Variants in ERBB4 observed in about 807,000 individuals in gnomAD.
ERBB4 encodes the protein receptor tyrosine-protein kinase erbB-4.
In ERBB4, 42 loss-of-function variants were observed where a neutral mutation model predicts 158.0. The observed-to-expected ratio is 0.27, with a 90% CI of 0.21 to 0.34. The LOEUF is 0.34. Ranked by LOEUF, ERBB4 falls within the 10% of genes least tolerant of loss-of-function variation. ERBB4 has a pLI of 1.00. For missense variants in ERBB4, 1,333 were observed against 1,624.1 expected, an observed-to-expected ratio of 0.82 and a Z score of 3.08; for synonymous variants, 583 against 558.7, an observed-to-expected ratio of 1.04 and a Z score of -0.61.
At chr2:211,739,092 T>C (rs2074704527) in intron 5 of ERBB4, among the ~76,000 whole-genome samples, 1 of 152,228 alleles carries the variant, frequency 6.6e-6, no homozygotes, top group Admixed American at 6.5e-5. Flanking sequence ...TTCATCAATC[T>C]GTATAGGTCT....
intron 1 of ERBB4, among the ~76,000 whole-genome samples, chr2:212,450,979 A>T (rs1180504509): frequency 6.6e-6 from 1 of 152,078 alleles, no homozygotes; most frequent in African/African-American, 2.4e-5. Flanking sequence ...ATAAAATAAA[A>T]AATTAGCCAG....
At chr2:211,870,681 T>A (rs530450820) in intron 3 of ERBB4, among the ~76,000 whole-genome samples, 3 of 152,088 alleles carry the variant, frequency 2.0e-5, no homozygotes, top group Admixed American at 2.0e-4. Flanking sequence ...AAAATACAGT[T>A]TTCCAGGTAA....
At chr2:212,443,440 T>C (rs972578361) in intron 1 of ERBB4, among the ~76,000 whole-genome samples, 1 of 152,174 alleles carries the variant, frequency 6.6e-6, no homozygotes, top group Non-Finnish European at 1.5e-5. Flanking sequence ...GGGAGTCCTG[T>C]TGAGACATTC....
At chr2:211,694,011 A>C (rs2072918315) in intron 12 of ERBB4, among the ~76,000 whole-genome samples, 1 of 152,114 alleles carries the variant, frequency 6.6e-6, no homozygotes, top group Non-Finnish European at 1.5e-5. Context: ...GTGTGTGTCC[A>C]TCTGTGTGTC....
At chr2:211,718,735 A>G (rs954558829) in intron 7 of ERBB4, among the ~76,000 whole-genome samples, 2 of 152,188 alleles carry the variant, frequency 1.3e-5, no homozygotes, top group African/African-American at 4.8e-5. Flanking sequence ...ACTAAAAAAA[A>G]AAAACATGGT....
At chr2:211,900,367 T>C (rs945640842) in intron 3 of ERBB4, among the ~76,000 whole-genome samples, 7 of 107,254 alleles carry the variant, frequency 6.5e-5, no homozygotes, top group Non-Finnish European at 1.2e-4. Context: ...TACTATTTTA[T>C]GTTTAAACAC....
chr2:212,069,441 A>C (rs71422769), intron 2 of ERBB4, among the ~76,000 whole-genome samples: 1 of 152,118 alleles, frequency 6.6e-6, no homozygotes, highest in South Asian at 2.1e-4. Flanking sequence ...TCTATAAAAA[A>C]CCCACAGCTA....
At chr2:211,971,664 A>G (rs1002573896) in intron 2 of ERBB4, among the ~76,000 whole-genome samples, 1 of 152,182 alleles carries the variant, frequency 6.6e-6, no homozygotes, top group African/African-American at 2.4e-5. Flanking sequence ...AATACTAGCA[A>G]ACTAAATCTA....
In ERBB4 at chr2:211,673,158, G is replaced by T. The variant is rs767027080; in HGVS notation, c.1716+6C>A. The T allele has an allele frequency of 5.8e-5, 93 of 1,601,304 alleles. No individual in the cohort carries two copies. The highest frequency in any genetic ancestry group is 7.7e-5 in the Non-Finnish European group (90 of 1,168,650). On this transcript the variant is annotated splice_donor_region_variant and intron_variant, in intron 14 of 27. Transcript: ENST00000342788. ...GCCAACACACCACAGATGTCTTCAG[G>T]CTTACCGGTCCATGGCATGTGAGGA... is the stretch of plus-strand genomic sequence containing the variant.
chr2:212,284,674 T>C (rs2085891410), intron 1 of ERBB4, among the ~76,000 whole-genome samples: 1 of 152,154 alleles, frequency 6.6e-6, no homozygotes, highest in African/African-American at 2.4e-5. Flanking sequence ...TAGCATGAAA[T>C]ACATAACCAT....
chr2:211,654,995 C>T (rs2071157264), intron 16 of ERBB4, among the ~76,000 whole-genome samples: 2 of 152,134 alleles, frequency 1.3e-5, no homozygotes, highest in South Asian at 2.1e-4. Context: ...TCCAATCATG[C>T]TTTTGTTTAA....
chr2:211,530,175 T>C (rs1026422632), intron 20 of ERBB4, among the ~76,000 whole-genome samples: 1 of 152,088 alleles, frequency 6.6e-6, no homozygotes, highest in African/African-American at 2.4e-5. Flanking sequence ...AATCAAGATA[T>C]AGAAATCATT....
chr2:211,890,417 G>C (rs1328087273), intron 3 of ERBB4, among the ~76,000 whole-genome samples: 3 of 150,230 alleles, frequency 2.0e-5, no homozygotes, highest in Non-Finnish European at 3.0e-5. Context: ...GCTAAACATG[G>C]AAAGGAACAA....
intron 20 of ERBB4, among the ~76,000 whole-genome samples, chr2:211,509,432 T>C (rs1411012091): frequency 1.3e-5 from 2 of 152,086 alleles, no homozygotes; most frequent in Non-Finnish European, 2.9e-5. Flanking sequence ...TTTCTAAATA[T>C]ACAAAACGTA....
At chr2:212,258,967 A>G (rs1181461773) in intron 1 of ERBB4, among the ~76,000 whole-genome samples, 2 of 152,154 alleles carry the variant, frequency 1.3e-5, no homozygotes, top group East Asian at 3.8e-4. Context: ...AGTGAAGTCT[A>G]CTGGTGCTCA....
intron 1 of ERBB4, among the ~76,000 whole-genome samples, chr2:212,160,151 T>C (rs1292323411): frequency 6.6e-6 from 1 of 151,934 alleles, no homozygotes; most frequent in African/African-American, 2.4e-5. Context: ...GAATATTTCT[T>C]ATGAACTTTG....
chr2:211,954,363 A>G (rs1209133523), intron 2 of ERBB4, among the ~76,000 whole-genome samples: 2 of 152,074 alleles, frequency 1.3e-5, no homozygotes, highest in East Asian at 3.9e-4. Flanking sequence ...AAAATTATTC[A>G]TCAAATCCAT....
intron 1 of ERBB4, among the ~76,000 whole-genome samples, chr2:212,477,492 A>C (rs1377834249): frequency 6.6e-6 from 1 of 152,180 alleles, no homozygotes; most frequent in Non-Finnish European, 1.5e-5. Context: ...TCAATTAAGG[A>C]ACCAACTTGC....
intron 1 of ERBB4, among the ~76,000 whole-genome samples, chr2:212,197,195 C>A (rs1270857180): frequency 2.6e-5 from 4 of 152,224 alleles, no homozygotes; most frequent in African/African-American, 9.6e-5. Context: ...CATGACTAGA[C>A]CTAAGCCAAA....
Sources: allele counts gnomAD v4.1 joint callset (sites outside exome capture counted in the v4.1 genomes callset), GRCh38; gene constraint gnomAD v4.1.1; transcripts MANE v1.5; gene names NCBI Gene and HGNC (gene_info 2026-07-23, HGNC 2026-07-21).